The following THSD7B variants were observed in gnomAD, a reference collection of about 807,000 sequenced individuals.
THSD7B encodes thrombospondin type 1 domain containing 7B, also known as thrombospondin type-1 domain-containing protein 7B.
Under a neutral mutation model 213.6 loss-of-function variants are expected in THSD7B, and 138 were observed. The ratio of observed to expected loss-of-function variants is 0.65; its 90% confidence interval spans 0.56 to 0.74. The LOEUF (loss-of-function observed/expected upper bound fraction) is 0.74. THSD7B is among the 30% of genes least tolerant of loss of function. THSD7B has a pLI of 0.00. For synonymous variants in THSD7B, 742 were observed against 687.0 expected, an observed-to-expected ratio of 1.08 and a Z score of -1.25; for missense variants, 1,931 against 1,991.5, an observed-to-expected ratio of 0.97 and a Z score of 0.58.
At chr2:137,663,313 A>G (rs1683387253) in intron 25 of THSD7B, 70 bp from the exon 26 acceptor site, 8 of 1,306,218 alleles carry the variant, frequency 6.1e-6, no homozygotes, top group Non-Finnish European at 8.1e-6. Context: ...AAGTGATTTT[A>G]ACATTATATT....
At chr2:136,915,618 C>T (rs1684336567) in intron 2 of THSD7B, among the ~76,000 whole-genome samples, 1 of 152,194 alleles carries the variant, frequency 6.6e-6, no homozygotes, top group Admixed American at 6.5e-5. Context: ...TATTTTACCT[C>T]ACATGGATTG....
intron 19 of THSD7B, among the ~76,000 whole-genome samples, chr2:137,620,242 C>A (rs1682492861): frequency 6.6e-6 from 1 of 152,160 alleles, no homozygotes; most frequent in African/African-American, 2.4e-5. Context: ...TGTTGGCCCT[C>A]CATGTACTTT....
At chr2:136,977,360 TC>T (rs1454639963) in intron 2 of THSD7B, among the ~76,000 whole-genome samples, 38 of 152,250 alleles carry the variant, frequency 2.5e-4, no homozygotes, top group African/African-American at 9.1e-4. Context: ...AGCAGTCTAT[TC>T]TTTTTTATTA....
intron 2 of THSD7B, among the ~76,000 whole-genome samples, chr2:137,027,582 G>T (rs148256184): frequency 2.8e-4 from 43 of 152,268 alleles, no homozygotes; most frequent in African/African-American, 1.0e-3. Context: ...ACAAACATGT[G>T]CTATGAAAGA....
In THSD7B at chr2:137,219,469, A is replaced by G. The variant is rs115877141; in HGVS notation, c.1724-11575A>G. ...TAATAGCAGGCATATAATTCAGACA[A>G]AAACAGAAGAGGTTACCAACCAACT... is the stretch of plus-strand genomic sequence containing the variant. On this transcript the variant is annotated intron_variant, in intron 7 of 27. Transcript: ENST00000409968. 3.5e-3 allele frequency among the ~76,000 whole-genome samples: 536 copies of G among 152,256 alleles called. 4 individuals carry two copies. Among genetic ancestry groups the G allele is most frequent in the African/African-American group, 0.012 (511 of 41,572 alleles).
At chr2:137,566,094 C>A (rs924454932) in intron 16 of THSD7B, among the ~76,000 whole-genome samples, 4 of 152,154 alleles carry the variant, frequency 2.6e-5, no homozygotes, top group Non-Finnish European at 4.4e-5. Context: ...CTCATCTGTT[C>A]TCTTTCTTAA....
chr2:137,404,813 C>A (rs944754964), intron 12 of THSD7B, among the ~76,000 whole-genome samples: 88 of 151,654 alleles, frequency 5.8e-4, no homozygotes, highest in Non-Finnish European at 1.2e-3. Context: ...TATGAGGATG[C>A]AAAGGCATAA....
intron 20 of THSD7B, among the ~76,000 whole-genome samples, chr2:137,629,303 T>G (rs531333621): frequency 1.0e-3 from 152 of 152,338 alleles, no homozygotes; most frequent in African/African-American, 3.6e-3. Flanking sequence ...TTTATTATTA[T>G]TTTTGTCTGA....
chr2:137,620,450 T>G (rs1261499027), intron 19 of THSD7B, among the ~76,000 whole-genome samples, 159 bp from the exon 20 acceptor site: 2 of 152,212 alleles, frequency 1.3e-5, no homozygotes, highest in Non-Finnish European at 2.9e-5. Flanking sequence ...AATCATTTTC[T>G]ATGATTGTCA....
At chr2:136,901,575 C>G (rs1345453020) in intron 2 of THSD7B, among the ~76,000 whole-genome samples, 1 of 152,182 alleles carries the variant, frequency 6.6e-6, no homozygotes, top group African/African-American at 2.4e-5. Flanking sequence ...TTTAAACACT[C>G]CTCACTGCTT....
intron 7 of THSD7B, among the ~76,000 whole-genome samples, chr2:137,204,302 T>C (rs1167532846): frequency 6.6e-6 from 1 of 152,080 alleles, no homozygotes; most frequent in Admixed American, 6.6e-5. Context: ...AAGAGCAAAA[T>C]TGGGGTTTTC....
At chr2:137,438,112 C>T (rs1371543650) in intron 14 of THSD7B, among the ~76,000 whole-genome samples, 2 of 152,106 alleles carry the variant, frequency 1.3e-5, no homozygotes, top group African/African-American at 2.4e-5. Flanking sequence ...ATCTGATCTA[C>T]AGAGCAATTT....
intron 4 of THSD7B, among the ~76,000 whole-genome samples, chr2:137,102,767 C>T (rs1688175650): frequency 6.6e-6 from 1 of 151,950 alleles, no homozygotes; most frequent in Non-Finnish European, 1.5e-5. Flanking sequence ...CTGAATCGAT[C>T]AAGGGGAAGA....
intron 7 of THSD7B, among the ~76,000 whole-genome samples, chr2:137,173,580 A>G (rs568899506): frequency 2.2e-4 from 34 of 152,332 alleles, no homozygotes; most frequent in Admixed American, 1.2e-3. Context: ...AGAAGAGGGA[A>G]TTAATATTTG....
At chr2:137,561,772 A>G (rs746582501) in intron 15 of THSD7B, among the ~76,000 whole-genome samples, 7 of 152,176 alleles carry the variant, frequency 4.6e-5, no homozygotes, top group Non-Finnish European at 1.0e-4. Flanking sequence ...ATTCTAATGT[A>G]GGAACTGCTT....
At chr2:136,915,536 A>G (rs762329580) in intron 2 of THSD7B, among the ~76,000 whole-genome samples, 4 of 152,216 alleles carry the variant, frequency 2.6e-5, no homozygotes, top group Non-Finnish European at 2.9e-5. Context: ...AGTAAGCATA[A>G]TTGCTAACAC....
intron 2 of THSD7B, among the ~76,000 whole-genome samples, chr2:136,899,972 T>A (rs185310537): frequency 2.0e-5 from 3 of 152,312 alleles, no homozygotes; most frequent in African/African-American, 7.2e-5. Flanking sequence ...AAAACTTTCC[T>A]GCTCTGAACA....
intron 2 of THSD7B, among the ~76,000 whole-genome samples, chr2:137,021,394 A>G (rs1196593456): frequency 6.6e-6 from 1 of 152,156 alleles, no homozygotes; most frequent in Non-Finnish European, 1.5e-5. Context: ...TGGGCTTTTC[A>G]TGTAACCATT....
At chr2:137,370,452 T>G (rs975508741) in intron 12 of THSD7B, among the ~76,000 whole-genome samples, 1 of 152,116 alleles carries the variant, frequency 6.6e-6, no homozygotes, top group African/African-American at 2.4e-5. Flanking sequence ...ATCTTTTGCT[T>G]CCCCACTCTG....
Sources: gnomAD v4.1 joint callset for allele counts (sites outside exome capture counted in the v4.1 genomes callset) on GRCh38, gnomAD v4.1.1 for gene constraint, MANE v1.5 for transcripts, NCBI Gene and HGNC (gene_info 2026-07-23, HGNC 2026-07-21) for gene names.